The following GRIK3 variants were observed in gnomAD, a reference collection of about 807,000 sequenced individuals.
GRIK3 encodes the protein glutamate receptor ionotropic, kainate 3.
A neutral mutation model predicts 102.5 loss-of-function variants in GRIK3; 29 were observed. The ratio of observed to expected loss-of-function variants is 0.28; its 90% CI spans 0.21 to 0.39. The LOEUF is 0.39. Ranked by LOEUF, GRIK3 falls within the 10% of genes least tolerant of loss-of-function variation. GRIK3 has a pLI of 1.00. For missense variants in GRIK3, 908 were observed against 1,252.4 expected, an observed-to-expected ratio of 0.73 and a Z score of 4.15; for synonymous variants, 511 against 504.9, an observed-to-expected ratio of 1.01 and a Z score of -0.16.
chr1:36,960,753 C>G (rs1298722520), intron 1 of GRIK3, among the ~76,000 whole-genome samples: 5 of 152,228 alleles, frequency 3.3e-5, no homozygotes, highest in Non-Finnish European at 5.9e-5. Flanking sequence ...CACAGAACTG[C>G]CCTCTGGGCC....
rs1016886449 is a variant in GRIK3 at position 36,796,614 on chromosome 1, G to C, written c.*5237C>G. The C allele has an allele frequency of 2.0e-5, 3 of 152,280 alleles. No individual in the cohort carries two copies. Among genetic ancestry groups the C allele is most frequent in the African/African-American group, 7.2e-5 (3 of 41,456 alleles). The allele number at this position is 152,280 out of a possible 1,614,324, so 9.4% of individuals were successfully genotyped here. A position where few individuals can be genotyped will look rare whatever the true frequency, so the allele number is the denominator to read the frequency against. On this transcript the variant is annotated 3_prime_UTR_variant, in exon 16 of 16. Coordinates refer to ENST00000373091, the MANE Select transcript of GRIK3 (RefSeq NM_000831.4). ...GGCAGGAGGACAGGATCAGTAACAG[G>C]GGCATGGGAACACTGTATCGGCATG...
intron 1 of GRIK3, among the ~76,000 whole-genome samples, chr1:36,922,873 T>A (rs1641489244): frequency 6.6e-6 from 1 of 151,994 alleles, no homozygotes; most frequent in Non-Finnish European, 1.5e-5. Flanking sequence ...AATCCAACAA[T>A]AAAAGCAATG....
intron 11 of GRIK3, among the ~76,000 whole-genome samples, chr1:36,824,405 C>T (rs886164409): frequency 6.6e-6 from 1 of 152,190 alleles, no homozygotes; most frequent in African/African-American, 2.4e-5. Flanking sequence ...TCAGCGGCTG[C>T]TGCGCCCACC....
intron 1 of GRIK3, among the ~76,000 whole-genome samples, chr1:37,023,583 T>C (rs1393285350): frequency 6.6e-6 from 1 of 152,176 alleles, no homozygotes; most frequent in Admixed American, 6.5e-5. Flanking sequence ...TCCAAGACCA[T>C]TTGAATAAAG....
At chr1:36,940,305 G>C (rs1026390132) in intron 1 of GRIK3, among the ~76,000 whole-genome samples, 2 of 152,208 alleles carry the variant, frequency 1.3e-5, no homozygotes, top group Non-Finnish European at 2.9e-5. Context: ...GCTCTATCCA[G>C]AGAGGTCCAG....
At chr1:36,855,273 T>C (rs77392986) in intron 7 of GRIK3, among the ~76,000 whole-genome samples, 433 of 152,238 alleles carry the variant, frequency 2.8e-3, no homozygotes, top group Non-Finnish European at 5.1e-3. Flanking sequence ...CGAGCCATGC[T>C]CCCTTGCAGA....
chr1:36,881,059 G>T (rs1276063072), intron 2 of GRIK3, among the ~76,000 whole-genome samples, 168 bp from the exon 3 acceptor site: 1 of 152,142 alleles, frequency 6.6e-6, no homozygotes, highest in African/African-American at 2.4e-5. Context: ...GAAAACAGGG[G>T]TTCTAACAGT....
chr1:36,870,102 T>C (rs559037971), intron 4 of GRIK3, among the ~76,000 whole-genome samples: 1 of 152,342 alleles, frequency 6.6e-6, no homozygotes, highest in East Asian at 1.9e-4. Flanking sequence ...CTCTTTTGAG[T>C]AAGCGTCTCC....
intron 1 of GRIK3, among the ~76,000 whole-genome samples, chr1:36,929,960 C>T (rs1315161561): frequency 6.6e-6 from 1 of 152,206 alleles, no homozygotes; most frequent in Non-Finnish European, 1.5e-5. Flanking sequence ...GGCACAGTGG[C>T]GCTCGCTGCT....
chr1:36,859,072 G>A (rs1446159221), intron 7 of GRIK3, 36 bp downstream of exon 7: 4 of 1,550,728 alleles, frequency 2.6e-6, no homozygotes. Flanking sequence ...CACAGTCCCG[G>A]GGAGACAACA....
At chr1:36,940,229 C>T (rs892958610) in intron 1 of GRIK3, among the ~76,000 whole-genome samples, 1 of 152,254 alleles carries the variant, frequency 6.6e-6, no homozygotes, top group African/African-American at 2.4e-5. Context: ...CAACCCCCAA[C>T]TGGTACAACC....
intron 10 of GRIK3, among the ~76,000 whole-genome samples, chr1:36,834,893 C>T (rs376059871): frequency 3.9e-5 from 6 of 152,198 alleles, no homozygotes; most frequent in African/African-American, 9.6e-5. Context: ...GCCATCCACC[C>T]AGACATGTGT....
chr1:36,888,239 T>G (rs1641064049), intron 2 of GRIK3, among the ~76,000 whole-genome samples: 2 of 152,152 alleles, frequency 1.3e-5, no homozygotes, highest in African/African-American at 4.8e-5. Flanking sequence ...TTCAACCACG[T>G]AGACAATCTC....
Position 36,795,610 on chromosome 1 carries a change from G to GTC in GRIK3, c.*6239_*6240dup, listed in dbSNP as rs959496749. 3 of 152,176 alleles carry GTC rather than the reference G, an allele frequency of 2.0e-5. No individual in the cohort carries two copies. The highest frequency in any genetic ancestry group is 7.2e-5 in the African/African-American group (3 of 41,426). 9.4% of individuals were successfully genotyped at this position (152,176 alleles called of 1,614,324 possible). ...ACTGTGCACTTTGATATATCACAGTGTCTTAAAAAGGAAAATAATCAGATT... is the reference window on the plus strand; with the variant it reads ...ACTGTGCACTTTGATATATCACAGTGTCTCTTAAAAAGGAAAATAATCAGATT... On this transcript the variant is annotated 3_prime_UTR_variant, in exon 16 of 16. Transcript: ENST00000373091.
chr1:36,840,162 A>G (rs1267546569), intron 10 of GRIK3, among the ~76,000 whole-genome samples: 1 of 151,528 alleles, frequency 6.6e-6, no homozygotes, highest in Non-Finnish European at 1.5e-5. Flanking sequence ...CAGTCTCCCT[A>G]TCTGTAAAAT....
intron 1 of GRIK3, among the ~76,000 whole-genome samples, chr1:36,921,953 T>TGA (rs1641478356): frequency 6.6e-6 from 1 of 152,092 alleles, no homozygotes; most frequent in Non-Finnish European, 1.5e-5. Context: ...GCTCTCAATG[T>TGA]TCTCCCAGAC....
chr1:37,031,568 G>A (rs568315793), intron 1 of GRIK3, among the ~76,000 whole-genome samples: 6 of 152,338 alleles, frequency 3.9e-5, no homozygotes, highest in Admixed American at 2.6e-4. Flanking sequence ...GCTGGTGCTC[G>A]GCGATGCCTG....
chr1:36,896,809 AC>A (rs1225102743), intron 1 of GRIK3, among the ~76,000 whole-genome samples: 1 of 152,174 alleles, frequency 6.6e-6, no homozygotes, highest in African/African-American at 2.4e-5. Flanking sequence ...AAGTAAATGA[AC>A]AAATGAAAAA....
chr1:36,931,391 G>T (rs988008223), intron 1 of GRIK3, among the ~76,000 whole-genome samples: 3 of 152,094 alleles, frequency 2.0e-5, no homozygotes, highest in Non-Finnish European at 2.9e-5. Context: ...AGCCTTCTCT[G>T]ATCACTTTTT....
Sources: allele counts gnomAD v4.1 joint callset (sites outside exome capture counted in the v4.1 genomes callset), GRCh38; gene constraint gnomAD v4.1.1; transcripts MANE v1.5; gene names NCBI Gene and HGNC (gene_info 2026-07-23, HGNC 2026-07-21).